The following OPCML variants were observed in gnomAD, a reference collection of about 807,000 sequenced individuals.
OPCML encodes the protein opioid-binding protein/cell adhesion molecule.
OPCML carries 13 observed loss-of-function variants against 37.8 expected under a neutral mutation model. That is an observed-to-expected ratio of 0.34 (90% CI 0.22 to 0.55). The LOEUF is 0.55. Among genes scored for constraint, OPCML ranks in the 20% least tolerant of loss-of-function variants. OPCML has a pLI of 0.91. For missense variants in OPCML, 341 were observed against 435.6 expected, an observed-to-expected ratio of 0.78 and a Z score of 1.93; for synonymous variants, 176 against 168.8, an observed-to-expected ratio of 1.04 and a Z score of -0.33.
chr11:132,656,835 C>T (rs1941731427), intron 3 of OPCML, among the ~76,000 whole-genome samples: 2 of 152,152 alleles, frequency 1.3e-5, no homozygotes, highest in African/African-American at 2.4e-5. Flanking sequence ...GAGCTCAATA[C>T]GAGTGCATGT....
At chr11:132,850,119 G>T (rs989859414) in intron 2 of OPCML, among the ~76,000 whole-genome samples, 4 of 152,084 alleles carry the variant, frequency 2.6e-5, no homozygotes, top group African/African-American at 9.7e-5. Context: ...CTTGTGTTTA[G>T]CCCTCCCTCT....
At chr11:133,134,505 T>G (rs1949652823) in intron 1 of OPCML, among the ~76,000 whole-genome samples, 1 of 151,632 alleles carries the variant, frequency 6.6e-6, no homozygotes, top group Non-Finnish European at 1.5e-5. Flanking sequence ...ATGGCCCCTG[T>G]GCTCTTGTTT....
At chr11:132,679,574 C>T (rs1276423417) in intron 2 of OPCML, among the ~76,000 whole-genome samples, 2 of 152,074 alleles carry the variant, frequency 1.3e-5, no homozygotes, top group African/African-American at 2.4e-5. Flanking sequence ...TGCTTGATTG[C>T]CTAAGATTGC....
chr11:132,712,603 G>A (rs1944312405), intron 2 of OPCML, among the ~76,000 whole-genome samples: 1 of 152,160 alleles, frequency 6.6e-6, no homozygotes, highest in Admixed American at 6.6e-5. Flanking sequence ...CGGCTGTATT[G>A]CCAGCTCCGC....
chr11:132,454,683 C>G (rs182193876), intron 4 of OPCML, among the ~76,000 whole-genome samples: 1 of 152,134 alleles, frequency 6.6e-6, no homozygotes, highest in Non-Finnish European at 1.5e-5. Context: ...AAATTTTGCC[C>G]ATTACAGAGA....
intron 1 of OPCML, chr11:133,301,098 T>C (rs549141835): frequency 6.6e-6 from 1 of 152,310 alleles, no homozygotes; most frequent in Admixed American, 6.5e-5. Context: ...TGGCTACACA[T>C]GCAGAATTTT....
chr11:132,549,176 G>A (rs772952081), intron 3 of OPCML, among the ~76,000 whole-genome samples: 28 of 152,144 alleles, frequency 1.8e-4, no homozygotes, highest in African/African-American at 2.9e-4. Context: ...CCAAGATGGC[G>A]AAGAAAGTGA....
chr11:132,494,569 G>T (rs144095932), intron 4 of OPCML, among the ~76,000 whole-genome samples: 30 of 152,106 alleles, frequency 2.0e-4, no homozygotes, highest in African/African-American at 6.7e-4. Context: ...TCTGCATGAA[G>T]AAGGCAGGCA....
intron 1 of OPCML, among the ~76,000 whole-genome samples, chr11:133,097,460 T>C (rs1351138938): frequency 1.3e-5 from 2 of 151,958 alleles, no homozygotes; most frequent in African/African-American, 4.8e-5. Flanking sequence ...CTTAGAAAAC[T>C]AGAAACAAGA....
chr11:132,747,607 A>G (rs1162743128), intron 2 of OPCML, among the ~76,000 whole-genome samples: 1 of 152,170 alleles, frequency 6.6e-6, no homozygotes, highest in East Asian at 1.9e-4. Flanking sequence ...ATCAGCCCAG[A>G]GCCTCTTCCT....
chr11:133,262,588 C>T (rs1941526625), intron 1 of OPCML, among the ~76,000 whole-genome samples: 2 of 152,174 alleles, frequency 1.3e-5, no homozygotes, highest in South Asian at 2.1e-4. Flanking sequence ...GATGGATTCA[C>T]ACCTGCATCA....
chr11:132,530,358 A>G (rs1364348659), intron 3 of OPCML, among the ~76,000 whole-genome samples: 1 of 151,940 alleles, frequency 6.6e-6, no homozygotes, highest in Non-Finnish European at 1.5e-5. Flanking sequence ...CCTCTTATTT[A>G]TCATCACCAC....
chr11:132,712,704 T>G (rs186289614), intron 2 of OPCML, among the ~76,000 whole-genome samples: 349 of 152,224 alleles, frequency 2.3e-3, no homozygotes, highest in African/African-American at 8.1e-3. Flanking sequence ...CGCTTCCCAC[T>G]CAGCATGAAA....
rs958775905 is a variant in OPCML, at chr11:133,205,971, A to T, written c.62-262961T>A. Among the ~76,000 whole-genome samples the T allele has an allele frequency of 6.6e-6, 1 of 152,220 alleles. No homozygotes were observed. The highest frequency in any genetic ancestry group is 1.5e-5 in the Non-Finnish European group (1 of 68,040). ...TTGCACAAGTTATGTATATCCACTT[A>T]GCCCCAGCTCCCTGATGGGTGAGAT... On this transcript the variant is annotated intron_variant, in intron 1 of 7. Coordinates refer to ENST00000524381, the MANE Select transcript of OPCML (RefSeq NM_001012393.5). The surrounding 1 kb of genome is among the most constrained non-coding windows in gnomAD (Gnocchi z 4.8).
intron 1 of OPCML, among the ~76,000 whole-genome samples, chr11:133,442,349 T>G (rs146980940): frequency 6.6e-6 from 1 of 152,314 alleles, no homozygotes; most frequent in Non-Finnish European, 1.5e-5. Context: ...TTGGTGGCAT[T>G]ATAAATTGAT....
intron 2 of OPCML, among the ~76,000 whole-genome samples, chr11:132,664,439 A>T (rs1942135629): frequency 6.6e-6 from 1 of 152,172 alleles, no homozygotes; most frequent in Non-Finnish European, 1.5e-5. Context: ...CCCCCATATT[A>T]TCTTGTAACT....
chr11:132,528,056 G>A (rs1313225467), intron 4 of OPCML, among the ~76,000 whole-genome samples: 1 of 152,128 alleles, frequency 6.6e-6, no homozygotes, highest in Non-Finnish European at 1.5e-5. Flanking sequence ...CTTGATCTCA[G>A]ACATCTAGCC....
intron 1 of OPCML, among the ~76,000 whole-genome samples, chr11:132,996,080 G>A (rs192788395): frequency 3.9e-5 from 6 of 151,954 alleles, no homozygotes; most frequent in Non-Finnish European, 5.9e-5. Context: ...TAGGGAGCAC[G>A]CAAGTCCCTT....
chr11:132,670,794 T>C (rs1272896982), intron 2 of OPCML, among the ~76,000 whole-genome samples: 1 of 152,238 alleles, frequency 6.6e-6, no homozygotes, highest in East Asian at 1.9e-4. Flanking sequence ...AAATGTTTGC[T>C]ATTATATTTA....
Sources: gnomAD v4.1 joint callset for allele counts (sites outside exome capture counted in the v4.1 genomes callset) on GRCh38, gnomAD v4.1.1 for gene constraint, Gnocchi (gnomAD v3.1) non-coding constraint, MANE v1.5 for transcripts, NCBI Gene and HGNC (gene_info 2026-07-23, HGNC 2026-07-21) for gene names.